PDE4D: variants seen among roughly 807,000 people sequenced by gnomAD.
PDE4D encodes the protein 3',5'-cyclic-AMP phosphodiesterase 4D.
PDE4D carries 24 observed loss-of-function variants against 87.4 expected under a neutral mutation model. That is an observed-to-expected ratio of 0.27 (90% CI 0.20 to 0.39). PDE4D has a LOEUF of 0.39. Among genes scored for constraint, PDE4D ranks in the 10% least tolerant of loss-of-function variants. The pLI, the probability that PDE4D is intolerant of heterozygous loss-of-function variation, is 1.00. For missense variants in PDE4D, 714 were observed against 1,041.0 expected (o/e 0.69, Z 4.32); for synonymous variants, 384 against 383.2 (o/e 1.00, Z -0.02).
intron 1 of PDE4D, among the ~76,000 whole-genome samples, chr5:59,404,801 G>A (rs924483390): frequency 9.2e-5 from 14 of 152,140 alleles, no homozygotes; most frequent in Non-Finnish European, 2.9e-5. Flanking sequence ...TATACGGCAA[G>A]AGATAGAAGT....
At chr5:59,549,516 T>A (rs1381071833) in intron 1 of PDE4D, among the ~76,000 whole-genome samples, 1 of 152,172 alleles carries the variant, frequency 6.6e-6, no homozygotes, top group African/African-American at 2.4e-5. Flanking sequence ...AGTTTCTCAA[T>A]GTGAATGTTA....
chr5:59,263,698 G>A (rs1410484995), intron 1 of PDE4D, among the ~76,000 whole-genome samples: 1 of 151,948 alleles, frequency 6.6e-6, no homozygotes, highest in East Asian at 1.9e-4. Context: ...AATTTTGCAA[G>A]GGGGTGAGGG....
chr5:59,052,116 G>A (rs1317466369), intron 5 of PDE4D, among the ~76,000 whole-genome samples: 2 of 152,150 alleles, frequency 1.3e-5, no homozygotes, highest in South Asian at 2.1e-4. Flanking sequence ...ACACATGATC[G>A]GCTGCTGCCT....
At chr5:59,059,945 A>G (rs778859576) in intron 5 of PDE4D, among the ~76,000 whole-genome samples, 1 of 152,176 alleles carries the variant, frequency 6.6e-6, no homozygotes. Context: ...TCATGTAAGC[A>G]TGTGACTGCC....
intron 1 of PDE4D, among the ~76,000 whole-genome samples, chr5:59,391,325 C>G (rs891773410): frequency 1.3e-5 from 2 of 152,106 alleles, no homozygotes; most frequent in Non-Finnish European, 2.9e-5. Flanking sequence ...TTTCATGTTA[C>G]TTTGATTCTA....
chr5:59,968,048 G>A (rs1393344089), intron 3 of PDE4D, among the ~76,000 whole-genome samples: 1 of 123,772 alleles, frequency 8.1e-6, no homozygotes, highest in East Asian at 2.6e-4. Flanking sequence ...GCAATGACCC[G>A]ATCTCAGCTC....
At chr5:59,144,962 G>A (rs1778412165) in intron 5 of PDE4D, among the ~76,000 whole-genome samples, 1 of 150,292 alleles carries the variant, frequency 6.7e-6, no homozygotes, top group African/African-American at 2.4e-5. Flanking sequence ...TTCTTTTAAA[G>A]GTATGTTTAA....
intron 1 of PDE4D, chr5:59,430,207 C>A: frequency 8.7e-7 from 1 of 1,155,222 alleles, no homozygotes. Flanking sequence ...CTGACCCTCC[C>A]ATTTCAGCAG....
intron 1 of PDE4D, among the ~76,000 whole-genome samples, chr5:60,300,449 G>C (rs896025564): frequency 1.3e-5 from 2 of 152,024 alleles, no homozygotes; most frequent in African/African-American, 4.8e-5. Flanking sequence ...ATTGCTTTTG[G>C]CATTTTCATC....
chr5:60,419,786 G>A (rs1055876240), intron 1 of PDE4D, among the ~76,000 whole-genome samples: 7 of 152,122 alleles, frequency 4.6e-5, no homozygotes, highest in African/African-American at 1.7e-4. Flanking sequence ...AATATATGAG[G>A]CAACCGTTTT....
At chr5:60,409,938 T>A (rs185593601) in intron 1 of PDE4D, among the ~76,000 whole-genome samples, 1 of 152,118 alleles carries the variant, frequency 6.6e-6, no homozygotes, top group Non-Finnish European at 1.5e-5. Context: ...GACTCTTGTG[T>A]GGATAGAGGA....
intron 1 of PDE4D, among the ~76,000 whole-genome samples, chr5:59,305,884 T>C (rs1223799445): frequency 6.6e-6 from 1 of 151,990 alleles, no homozygotes; most frequent in Non-Finnish European, 1.5e-5. Flanking sequence ...GCAGTTGTTC[T>C]GTATATATCT....
chr5:60,431,401 C>T (rs1418505677), intron 1 of PDE4D, among the ~76,000 whole-genome samples: 5 of 149,564 alleles, frequency 3.3e-5, no homozygotes, highest in South Asian at 2.1e-4. Context: ...GACGGGTTCG[C>T]GGCCGGGTAG....
In PDE4D at chr5:60,167,222, T is replaced by TCTTC. The variant is rs562139373; in HGVS notation, c.42+18331_42+18334dup. 3.9e-3 allele frequency among the ~76,000 whole-genome samples: 589 copies of TCTTC among 151,962 alleles called. 4 individuals are homozygous for TCTTC. Among genetic ancestry groups the TCTTC allele is most frequent in the African/African-American group, 0.014 (563 of 41,452 alleles). On this transcript the variant is annotated intron_variant, in intron 2 of 16. Transcript: ENST00000502484. ...GCTGTCACATAAATCTCATATGCTT[T>TCTTC]CTTCCTTCCTTTCATTCTTTCCTCT...
chr5:59,557,650 AGG>A (rs1819189165), intron 1 of PDE4D, among the ~76,000 whole-genome samples: 1 of 152,244 alleles, frequency 6.6e-6, no homozygotes, highest in Non-Finnish European at 1.5e-5. Flanking sequence ...TAACAACTGT[AGG>A]TGATGTATCC....
chr5:60,025,782 C>T (rs180674257), intron 2 of PDE4D, among the ~76,000 whole-genome samples: 21 of 152,130 alleles, frequency 1.4e-4, no homozygotes, highest in Admixed American at 3.9e-4. Context: ...ATCACTTAAA[C>T]CCAGGAGGTG....
intron 3 of PDE4D, among the ~76,000 whole-genome samples, chr5:59,984,825 G>T (rs918276299): frequency 6.6e-6 from 1 of 152,126 alleles, no homozygotes; most frequent in African/African-American, 2.4e-5. Context: ...CTGGCATACT[G>T]ATATGCCAGA....
chr5:60,376,655 C>T lies in PDE4D; in HGVS notation c.-90+111287G>A, dbSNP rs1042987806. 2.0e-5 allele frequency among the ~76,000 whole-genome samples: 3 copies of T among 152,308 alleles called. No individual in the cohort carries two copies. The South Asian group carries it at 6.2e-4, about 32-fold the overall frequency. On this transcript the variant is annotated intron_variant, in intron 1 of 16. Transcript: ENST00000502484. ...TTGAATAGGCTCTGGTGATGTGATC[C>T]TGGTCACTCTTCATCGGCATCTCTG...
intron 1 of PDE4D, among the ~76,000 whole-genome samples, chr5:59,660,383 T>C (rs1745042292): frequency 6.6e-6 from 1 of 152,186 alleles, no homozygotes; most frequent in African/African-American, 2.4e-5. Context: ...TTTGTTTTTA[T>C]GAAACCAATA....
Sources: gnomAD v4.1 joint callset for allele counts (sites outside exome capture counted in the v4.1 genomes callset) on GRCh38, gnomAD v4.1.1 for gene constraint, MANE v1.5 for transcripts, NCBI Gene and HGNC (gene_info 2026-07-23, HGNC 2026-07-21) for gene names.